CELA1: variants seen among roughly 807,000 people sequenced by gnomAD.
CELA1 encodes chymotrypsin-like elastase family member 1.
A neutral mutation model predicts 34.8 loss-of-function variants in CELA1; 28 were observed. The ratio of observed to expected loss-of-function variants is 0.80; its 90% CI spans 0.60 to 1.10. The LOEUF is 1.10. Ranked by LOEUF, CELA1 falls within the 50% of genes least tolerant of loss-of-function variation. The probability of loss-of-function intolerance (pLI) is 0.00; values close to 1 mark genes in which losing one functional copy is unlikely to be tolerated. For missense variants in CELA1, 288 were observed against 327.5 expected, an observed-to-expected ratio of 0.88 and a Z score of 0.93; for synonymous variants, 140 against 129.8, an observed-to-expected ratio of 1.08 and a Z score of -0.53.
rs539283785 is a variant in CELA1, at chr12:51,334,579, A to G, written c.610-4746T>C. On this transcript the variant is annotated intron_variant, in intron 6 of 7. Coordinates refer to ENST00000293636, the MANE Select transcript of CELA1 (RefSeq NM_001971.6). Reference sequence around the variant, plus strand: ...CTCCCGAGTAGCTGGGACTACAGGCACCCGCCACCACACCCGGCTAATTTT... The same window carrying G: ...CTCCCGAGTAGCTGGGACTACAGGCGCCCGCCACCACACCCGGCTAATTTT... 3.2e-3 allele frequency among the ~76,000 whole-genome samples: 494 copies of G among 152,016 alleles called. 4 individuals are homozygous for G. The highest frequency in any genetic ancestry group is 0.011 in the African/African-American group (446 of 41,470).
At chr12:51,329,988 T>C (rs1199383443) in intron 6 of CELA1, among the ~76,000 whole-genome samples, 155 bp from the exon 7 acceptor site, 1 of 152,070 alleles carries the variant, frequency 6.6e-6, no homozygotes, top group African/African-American at 2.4e-5. Flanking sequence ...AAAATGAATC[T>C]CTTCTTCCTT....
intron 6 of CELA1, among the ~76,000 whole-genome samples, chr12:51,334,058 C>A (rs1426462652): frequency 6.6e-6 from 1 of 152,104 alleles, no homozygotes; most frequent in Non-Finnish European, 1.5e-5. Context: ...ACTGTGAAAG[C>A]CCAGAAGACA....
chr12:51,343,147 C>G (rs527368315), intron 3 of CELA1, among the ~76,000 whole-genome samples: 3 of 152,026 alleles, frequency 2.0e-5, no homozygotes, highest in Non-Finnish European at 4.4e-5. Context: ...AGGTGTAGTG[C>G]GCATAAATGA....
intron 6 of CELA1, among the ~76,000 whole-genome samples, chr12:51,332,533 C>G (rs978013324): frequency 2.0e-5 from 3 of 152,018 alleles, no homozygotes; most frequent in Non-Finnish European, 4.4e-5. Flanking sequence ...CATTATTGAG[C>G]CCCATAATCT....
At chr12:51,346,143 A>G (rs1946563797) in intron 1 of CELA1, among the ~76,000 whole-genome samples, 1 of 151,746 alleles carries the variant, frequency 6.6e-6, no homozygotes, top group Admixed American at 6.6e-5. Context: ...TAGGCCCCAG[A>G]GGCTCCTTGT....
intron 6 of CELA1, among the ~76,000 whole-genome samples, chr12:51,330,585 C>CT (rs1313465514): frequency 6.6e-6 from 1 of 152,218 alleles, no homozygotes; most frequent in African/African-American, 2.4e-5. Flanking sequence ...CCATCTAAGG[C>CT]TCAGAGCTAC....
chr12:51,340,229 G>C (rs1309665380), intron 5 of CELA1, among the ~76,000 whole-genome samples: 1 of 152,120 alleles, frequency 6.6e-6, no homozygotes, highest in Non-Finnish European at 1.5e-5. Context: ...TAGGCTCCAA[G>C]CCACCAACCC....
At chr12:51,343,374 T>C (rs888846997) in intron 3 of CELA1, among the ~76,000 whole-genome samples, 19 of 152,260 alleles carry the variant, frequency 1.2e-4, no homozygotes, top group Admixed American at 1.2e-3. Flanking sequence ...CATGCTCAAA[T>C]GTGAAAACCA....
intron 6 of CELA1, among the ~76,000 whole-genome samples, chr12:51,334,215 G>A (rs1197040836): frequency 6.6e-6 from 1 of 152,190 alleles, no homozygotes; most frequent in African/African-American, 2.4e-5. Flanking sequence ...TATTCACTCA[G>A]AAAGGTTAAA....
chr12:51,337,035 TG>T (rs1946502870), intron 6 of CELA1, among the ~76,000 whole-genome samples: 1 of 152,230 alleles, frequency 6.6e-6, no homozygotes, highest in African/African-American at 2.4e-5. Flanking sequence ...ATAAGGTTCA[TG>T]TCCCCAAGCC....
At chr12:51,331,835 A>G (rs914708233) in intron 6 of CELA1, among the ~76,000 whole-genome samples, 4 of 152,200 alleles carry the variant, frequency 2.6e-5, no homozygotes, top group African/African-American at 9.6e-5. Flanking sequence ...GACTATATTA[A>G]GCAAATGAAA....
At chr12:51,341,470 C>T in intron 4 of CELA1, 90 bp from the exon 5 acceptor site, 1 of 1,453,084 alleles carries the variant, frequency 6.9e-7, no homozygotes, top group Non-Finnish European at 9.4e-7. Flanking sequence ...ATTTGTATCC[C>T]CGTGGAATTG....
At chr12:51,344,155 C>T (rs1046119748) in intron 2 of CELA1, among the ~76,000 whole-genome samples, 1 of 152,186 alleles carries the variant, frequency 6.6e-6, no homozygotes. Context: ...TTCATCTGAC[C>T]TGCCAATTGC....
chr12:51,328,659 G>T, intron 7 of CELA1, 65 bp from the exon 8 acceptor site: 1 of 1,577,448 alleles, frequency 6.3e-7, no homozygotes, highest in African/African-American at 1.3e-5. Context: ...TGTTTCCTCA[G>T]GGCTCCCAGT....
chr12:51,343,970 G>A lies in CELA1; in HGVS notation c.100-117C>T, dbSNP rs1199611670. On this transcript the variant is annotated intron_variant, in intron 2 of 7. Transcript: ENST00000293636. Reference sequence around the variant, plus strand: ...AGAACTTTGGAAGGCTGAGGCAGGAGGATCAGTTGAGCCTAGGAGCTGGAG... The same window carrying A: ...AGAACTTTGGAAGGCTGAGGCAGGAAGATCAGTTGAGCCTAGGAGCTGGAG... 8 of 663,702 alleles carry A rather than the reference G, an allele frequency of 1.2e-5. No homozygotes were observed. In the Admixed American group the frequency reaches 1.7e-4, roughly 14 times the overall value. 41.1% of individuals were successfully genotyped at this position (663,702 alleles called of 1,614,324 possible).
Position 51,345,841 on chromosome 12 carries a change from C to T in CELA1, c.53G>A (p.Arg18His), listed in dbSNP as rs74336876. ...STQDLPETNA[R>H]VVGGTEAGRN... ...CCCGGCCTCAGTCCCTCCGACTACG[C>T]GGGCATTGGTTTCCGGAAGGTCCTG... is the stretch of plus-strand genomic sequence containing the variant. Residue 18 changes from arginine (R) to histidine (H), a missense_variant, in exon 2 of 8, where the codon CGC (arginine) becomes CAC (histidine). Physicochemically the swap from Arg to His is conservative, Grantham distance 29. Transcript: ENST00000293636. The T allele has an allele frequency of 7.8e-3, 12,162 of 1,559,638 alleles. 62 individuals carry two copies. Among genetic ancestry groups the T allele is most frequent in the Non-Finnish European group, 9.7e-3 (11,153 of 1,150,996 alleles).
chr12:51,338,377 G>A (rs1946513605), intron 6 of CELA1, among the ~76,000 whole-genome samples: 1 of 151,824 alleles, frequency 6.6e-6, no homozygotes, highest in Admixed American at 6.6e-5. Flanking sequence ...AACAAGCAGT[G>A]AGCTAGATTC....
rs1358326750 is a variant in CELA1 at position 51,341,394 on chromosome 12, G to T, written c.327-14C>A. 1.9e-6 allele frequency: 3 copies of T among 1,613,816 alleles called. No homozygotes were observed. In the African/African-American group the frequency reaches 4.0e-5, roughly 22 times the overall value. Reference sequence around the variant, plus strand: ...GCGATGTCATAGCTGCAGGAGAAAAGGAGACTGCTCACTCATGGGATCAGC... The same window carrying T: ...GCGATGTCATAGCTGCAGGAGAAAATGAGACTGCTCACTCATGGGATCAGC... On this transcript the variant is annotated splice_polypyrimidine_tract_variant and intron_variant, in intron 4 of 7. Transcript: ENST00000293636.
chr12:51,346,202 C>G (rs1179696991), intron 1 of CELA1, among the ~76,000 whole-genome samples: 1 of 149,480 alleles, frequency 6.7e-6, no homozygotes, highest in Non-Finnish European at 1.5e-5. Flanking sequence ...AGACCCCCCC[C>G]CACTCTTTGA....
Sources: gnomAD v4.1 joint callset for allele counts (sites outside exome capture counted in the v4.1 genomes callset) on GRCh38, gnomAD v4.1.1 for gene constraint, MANE v1.5 for transcripts, NCBI Gene and HGNC (gene_info 2026-07-23, HGNC 2026-07-21) for gene names.